The following SETD1B variants were observed in gnomAD, a reference collection of about 807,000 sequenced individuals.
SETD1B encodes SET domain containing 1B, histone lysine methyltransferase, also known as histone-lysine N-methyltransferase SETD1B.
In SETD1B, 7 loss-of-function variants were observed where a neutral mutation model predicts 148.0. The ratio of observed to expected loss-of-function variants is 0.05; its 90% CI spans 0.03 to 0.09. The LOEUF is 0.09. Among genes scored for constraint, SETD1B ranks in the 10% least tolerant of loss-of-function variants. SETD1B has a pLI of 1.00. For missense variants in SETD1B, 2,155 were observed against 2,729.9 expected (o/e 0.79, Z 4.69); for synonymous variants, 1,361 against 1,186.5 (o/e 1.15, Z -3.02).
the SETD1B span, among the ~76,000 whole-genome samples, chr12:121,797,029 CAAA>C: frequency 8.2e-5 from 8 of 98,138 alleles, no homozygotes; most frequent in Admixed American, 2.1e-4. Flanking sequence ...AACTCTGTCT[CAAA>C]AAAAAAAAAA....
At chr12:121,807,477 GA>G (rs1308405813) in intron 4 of SETD1B, among the ~76,000 whole-genome samples, 3 of 147,234 alleles carry the variant, frequency 2.0e-5, no homozygotes, top group African/African-American at 7.6e-5. Context: ...GAAAAGAAAA[GA>G]AAAAAAACAC....
intron 11 of SETD1B, 135 bp downstream of exon 11, chr12:121,820,030 G>A (rs1876495155): frequency 1.6e-5 from 12 of 751,762 alleles, no homozygotes; most frequent in South Asian, 1.3e-4. Flanking sequence ...GAGATCAGCC[G>A]GTTGTGCCTC....
chr12:121,793,161 C>A, the SETD1B span: 1 of 1,550,206 alleles, frequency 6.5e-7, no homozygotes, highest in South Asian at 1.2e-5. Context: ...CCGGCCGTGT[C>A]GTAGAGGTTC....
the SETD1B span, among the ~76,000 whole-genome samples, chr12:121,796,521 C>T: frequency 6.6e-6 from 1 of 152,164 alleles, no homozygotes; most frequent in Non-Finnish European, 1.5e-5. Context: ...GCCTGAGAAC[C>T]CTGCAGAGGG....
At chr12:121,797,234 G>A in the SETD1B span, 13 of 357,774 alleles carry the variant, frequency 3.6e-5, no homozygotes, top group Non-Finnish European at 6.1e-5. Context: ...GGCTCCGGGC[G>A]GAGAGGCCGG....
At chr12:121,791,016 G>A in the SETD1B span, among the ~76,000 whole-genome samples, 1 of 151,886 alleles carries the variant, frequency 6.6e-6, no homozygotes, top group African/African-American at 2.4e-5. Context: ...TGGGACTATA[G>A]GTATGTGCCA....
the SETD1B span, among the ~76,000 whole-genome samples, chr12:121,798,524 C>G: frequency 5.9e-5 from 9 of 152,228 alleles, no homozygotes; most frequent in African/African-American, 2.2e-4. Flanking sequence ...ATCCTCCCAC[C>G]ACCCTTTCCA....
chr12:121,813,728 C>G (rs1219700828), intron 6 of SETD1B, among the ~76,000 whole-genome samples: 5 of 152,206 alleles, frequency 3.3e-5, no homozygotes, highest in Non-Finnish European at 7.3e-5. Context: ...TCCCTGCCTT[C>G]TTTCTCTCCC....
Position 121,819,777 on chromosome 12 carries a change from C to T in SETD1B, c.3792C>T (p.Asp1264=), listed in dbSNP as rs1191991687. ...CTGTGGGTGTTGAAGAGCCAGCGGA[C>T]TCCAGGGAGCCGCCTGAGGAACCAG... The part of the protein sequence containing the change: ...PLPVGVEEPA[D]SREPPEEPGL... The change falls in exon 11 of 17, where the codon GAC becomes GAT. Residue 1264 remains aspartate, a synonymous_variant. Coordinates refer to ENST00000604567, the MANE Select transcript of SETD1B (RefSeq NM_001353345.2). 6.4e-7 allele frequency: 1 copy of T among 1,551,618 alleles called. No individual in the cohort carries two copies.
At position 121,823,292 on chromosome 12, in the gene SETD1B, C is replaced by T. The variant is rs1311645750; in HGVS notation, c.4713C>T (p.Thr1571=). ...FPSTHDPRTV[T]LDFRNAGIPA... is the part of the protein sequence containing the mutation. ...GCACCCATGACCCCCGGACGGTGACCCTGGACTTCCGGAACGCGGGGATCC... is the reference window on the plus strand; with the variant it reads ...GCACCCATGACCCCCGGACGGTGACTCTGGACTTCCGGAACGCGGGGATCC... Residue 1571 remains threonine, a synonymous_variant, in exon 12 of 17, where the codon ACC becomes ACT. Transcript: ENST00000604567. The T allele has an allele frequency of 2.6e-6, 4 of 1,549,360 alleles. No homozygotes were observed. Among genetic ancestry groups the T allele is most frequent in the East Asian group, 2.4e-5 (1 of 40,894 alleles).
At chr12:121,795,986 T>C in the SETD1B span, 2 of 146,466 alleles carry the variant, frequency 1.4e-5, no homozygotes, top group Non-Finnish European at 3.0e-5. Context: ...CCACCCCTGC[T>C]GGCCAGGAGG....
At position 121,808,624 on chromosome 12, in the gene SETD1B, C is replaced by T. The variant is rs918130816; in HGVS notation, c.657+304C>T. On this transcript the variant is annotated intron_variant, in intron 5 of 16. Coordinates refer to ENST00000604567, the MANE Select transcript of SETD1B (RefSeq NM_001353345.2). This position sits in a 1 kb window ranked among gnomAD's most constrained non-coding sequence, Gnocchi z 5.3. ...CACAGACCCAGAGCCTGCCCTGGCC[C>T]GCTTTTCCACGTTGATGCCAAACAT... is the stretch of plus-strand genomic sequence containing the variant. 2.0e-5 allele frequency among the ~76,000 whole-genome samples: 3 copies of T among 152,246 alleles called. No individual in the cohort carries two copies. Among genetic ancestry groups the T allele is most frequent in the East Asian group, 1.9e-4 (1 of 5,194 alleles).
chr12:121,814,205 C>T lies in SETD1B; in HGVS notation c.1990C>T (p.Pro664Ser), dbSNP rs1352230674. The change falls in exon 7 of 17, where the codon CCA becomes TCA. Residue 664 changes from proline (P) to serine (S), a missense_variant. By Grantham distance (74) the Pro-to-Ser change is moderately conservative. Around this residue, in one of 11 missense-constraint regions of SETD1B, gnomAD observed 295 missense variants for 303.8 expected, o/e 0.97. Coordinates refer to ENST00000604567, the MANE Select transcript of SETD1B (RefSeq NM_001353345.2). ...ADCPKPMVVT[P>S]GAAAVAAPSV... is the part of the protein sequence containing the mutation. Reference sequence around the variant, plus strand: ...CTGCCCCAAGCCCATGGTGGTGACCCCAGGAGCGGCAGCCGTGGCAGCCCC... The same window carrying T: ...CTGCCCCAAGCCCATGGTGGTGACCTCAGGAGCGGCAGCCGTGGCAGCCCC... The T allele has an allele frequency of 2.6e-6, 4 of 1,543,312 alleles. No homozygotes were observed. Among genetic ancestry groups the T allele is most frequent in the Admixed American group, 2.0e-5 (1 of 50,726 alleles).
chr12:121,805,951 G>A lies in SETD1B; in HGVS notation c.390G>A (p.Glu130=), dbSNP rs1566546079. The A allele has an allele frequency of 6.4e-7, 1 of 1,551,568 alleles. No individual in the cohort carries two copies. The highest frequency in any genetic ancestry group is 1.4e-5 in the African/African-American group (1 of 73,020). ...RDMCKKYGEV[E]EVEILYNPKT... ...TGTGCAAGAAGTATGGGGAGGTGGAGGAGGTGGAGATTTTGTACAACCCCA... is the reference window on the plus strand; with the variant it reads ...TGTGCAAGAAGTATGGGGAGGTGGAAGAGGTGGAGATTTTGTACAACCCCA... Residue 130 remains glutamate (E), a synonymous_variant, in exon 4 of 17, where the codon GAG becomes GAA. Transcript: ENST00000604567. This position sits in a 1 kb window ranked among gnomAD's most constrained non-coding sequence, Gnocchi z 4.2.
chr12:121,819,400 C>G lies in SETD1B; in HGVS notation c.3419-4C>G. 1 of 1,551,694 alleles carries G rather than the reference C, an allele frequency of 6.4e-7. No individual in the cohort carries two copies. Among genetic ancestry groups the G allele is most frequent in the South Asian group, 1.2e-5 (1 of 84,022 alleles). ...GCAGCCCCTCGTCTGTGTCCCCCAT[C>G]CAGAGGAGACAGTGAGCATTGTAAC... On this transcript the variant is annotated splice_polypyrimidine_tract_variant and splice_region_variant and intron_variant, in intron 10 of 16. Transcript: ENST00000604567.
At chr12:121,806,341 G>A (rs1461210665) in intron 4 of SETD1B, among the ~76,000 whole-genome samples, 1 of 152,028 alleles carries the variant, frequency 6.6e-6, no homozygotes, top group Non-Finnish European at 1.5e-5. Context: ...CGCACCCCTA[G>A]GGACCACCCG....
chr12:121,827,192 C>G (rs1028538297), intron 13 of SETD1B, among the ~76,000 whole-genome samples: 2 of 151,880 alleles, frequency 1.3e-5, no homozygotes, highest in African/African-American at 4.8e-5. Context: ...CGGAAGGATC[C>G]CCGATTTTGA....
At chr12:121,791,156 C>T in the SETD1B span, among the ~76,000 whole-genome samples, 7 of 152,152 alleles carry the variant, frequency 4.6e-5, no homozygotes, top group Admixed American at 2.6e-4. Flanking sequence ...GATGTAGTCT[C>T]GCCCTGTCAC....
At chr12:121,791,871 G>GACCT in the SETD1B span, among the ~76,000 whole-genome samples, 1 of 152,224 alleles carries the variant, frequency 6.6e-6, no homozygotes, top group Non-Finnish European at 1.5e-5. Context: ...GTGGGTCAAT[G>GACCT]ACCTTGCCCC....
Sources: allele counts gnomAD v4.1 joint callset (sites outside exome capture counted in the v4.1 genomes callset), GRCh38; gene constraint gnomAD v4.1.1; regional missense constraint gnomAD v4.1.1; non-coding constraint Gnocchi (gnomAD v3.1); transcripts MANE v1.5; gene names NCBI Gene and HGNC (gene_info 2026-07-23, HGNC 2026-07-21).